SPIN1: variants seen among roughly 807,000 people sequenced by gnomAD.
SPIN1 encodes spindlin 1, also known as spindlin-1.
In SPIN1, 3 loss-of-function variants were observed where a neutral mutation model predicts 26.0. The ratio of observed to expected loss-of-function variants is 0.12; its 90% CI spans 0.05 to 0.30. SPIN1 has a LOEUF of 0.30. Ranked by LOEUF, SPIN1 falls within the 10% of genes least tolerant of loss-of-function variation. The pLI is 1.00. For synonymous variants in SPIN1, 101 were observed against 116.5 expected (o/e 0.87, Z 0.86); for missense variants, 126 against 333.4 (o/e 0.38, Z 4.84).
chr9:88,432,403 G>T (rs1176751754), intron 2 of SPIN1, among the ~76,000 whole-genome samples: 2 of 151,684 alleles, frequency 1.3e-5, no homozygotes, highest in South Asian at 2.1e-4. Context: ...GCCCAGGCTG[G>T]TCTCGAACTC....
At chr9:88,418,409 G>C (rs1827610160) in intron 1 of SPIN1, among the ~76,000 whole-genome samples, 1 of 152,120 alleles carries the variant, frequency 6.6e-6, no homozygotes, top group Non-Finnish European at 1.5e-5. Context: ...TTTAGGTCTT[G>C]TTGCATACCA....
rs1441794274 is a variant in SPIN1, at chr9:88,468,355, T to C, written c.356-17T>C. 1.3e-5 allele frequency: 19 copies of C among 1,519,528 alleles called. No individual in the cohort carries two copies. In the Admixed American group the frequency reaches 2.7e-4, roughly 22 times the overall value. 94.1% of individuals were successfully genotyped at this position (1,519,528 alleles called of 1,614,324 possible). A position where few individuals can be genotyped will look rare whatever the true frequency, so the allele number is the denominator to read the frequency against. On this transcript the variant is annotated splice_polypyrimidine_tract_variant and intron_variant, in intron 4 of 5. Transcript: ENST00000375859. Reference sequence around the variant, plus strand: ...GAAACACTTTGTCAACTTTTTTTTTTTTTTTTTAATCCCCAGCGACATCTC... The same window carrying C: ...GAAACACTTTGTCAACTTTTTTTTTCTTTTTTTAATCCCCAGCGACATCTC...
chr9:88,458,739 G>A (rs1172007412), intron 3 of SPIN1, among the ~76,000 whole-genome samples: 1 of 152,054 alleles, frequency 6.6e-6, no homozygotes, highest in African/African-American at 2.4e-5. Flanking sequence ...AATGCAGTTG[G>A]GACTGAACAA....
chr9:88,402,762 GT>G (rs796321662), intron 1 of SPIN1, among the ~76,000 whole-genome samples: 71 of 152,222 alleles, frequency 4.7e-4, no homozygotes, highest in African/African-American at 1.7e-3. Flanking sequence ...TAGTGCTGTG[GT>G]AAACAGGTGA....
At chr9:88,451,684 C>G (rs1163524027) in intron 3 of SPIN1, among the ~76,000 whole-genome samples, 2 of 152,156 alleles carry the variant, frequency 1.3e-5, no homozygotes, top group African/African-American at 4.8e-5. Context: ...CCTCAGCTTC[C>G]TAAGTAGCTG....
chr9:88,468,716 A>T, intron 5 of SPIN1, 111 bp downstream of exon 5: 1 of 574,926 alleles, frequency 1.7e-6, no homozygotes, highest in Non-Finnish European at 2.5e-6. Context: ...TGGATATATG[A>T]TTCTTTTAGT....
intron 5 of SPIN1, among the ~76,000 whole-genome samples, chr9:88,469,916 T>C (rs1828745032): frequency 6.6e-6 from 1 of 152,196 alleles, no homozygotes; most frequent in Non-Finnish European, 1.5e-5. Context: ...CTCACCACAG[T>C]CGATTTTAGA....
intron 3 of SPIN1, among the ~76,000 whole-genome samples, chr9:88,449,331 C>G (rs1450782581): frequency 6.6e-6 from 1 of 152,100 alleles, no homozygotes; most frequent in Non-Finnish European, 1.5e-5. Flanking sequence ...GGCTTCCTCT[C>G]CTGGTCTTGG....
chr9:88,435,910 C>A (rs1196138719), intron 2 of SPIN1, among the ~76,000 whole-genome samples: 1 of 152,072 alleles, frequency 6.6e-6, no homozygotes, highest in Non-Finnish European at 1.5e-5. Context: ...TGTTGCTTTT[C>A]TTATTTCCTG....
intron 3 of SPIN1, among the ~76,000 whole-genome samples, chr9:88,449,626 TAA>T (rs1232919208): frequency 6.6e-6 from 1 of 152,304 alleles, no homozygotes; most frequent in South Asian, 2.1e-4. Context: ...AAAAAGAAAT[TAA>T]GATTCTATTG....
intron 1 of SPIN1, among the ~76,000 whole-genome samples, chr9:88,417,680 C>G (rs903746890): frequency 3.3e-5 from 5 of 152,078 alleles, no homozygotes; most frequent in Non-Finnish European, 4.4e-5. Context: ...ACCATGTTGG[C>G]CAGGCTAGGC....
At position 88,462,681 on chromosome 9, in the gene SPIN1, G is replaced by A; in HGVS notation, c.287G>A (p.Cys96Tyr). The A allele has an allele frequency of 6.2e-7, 1 of 1,614,144 alleles. No homozygotes were observed. The change falls in exon 4 of 6, where the codon TGT becomes TAT. Residue 96 changes from cysteine (C) to tyrosine (Y), a missense_variant. By Grantham distance (194) the Cys-to-Tyr change is radical (BLOSUM62 -2). Transcript: ENST00000375859. ...LYLIKYDGFD[C>Y]VYGLELNKDE... ...CTTATAAAATACGATGGATTTGACT[G>A]TGTTTATGGACTAGAACTTAATAAA...
intron 5 of SPIN1, 31 bp from the exon 6 acceptor site, chr9:88,475,047 C>CTTTT (rs11320023): frequency 1.7e-4 from 142 of 841,662 alleles, no homozygotes; most frequent in South Asian, 6.6e-4. Context: ...CTCTCTCTCT[C>CTTTT]TTTTTTTTTT....
intron 1 of SPIN1, among the ~76,000 whole-genome samples, chr9:88,425,831 A>G (rs1341573650): frequency 2.6e-5 from 4 of 152,148 alleles, no homozygotes; most frequent in African/African-American, 9.7e-5. Flanking sequence ...GTGTTTGGCT[A>G]TAATTCTTTC....
chr9:88,425,851 A>G (rs1272399757), intron 1 of SPIN1, among the ~76,000 whole-genome samples: 4 of 152,140 alleles, frequency 2.6e-5, no homozygotes, highest in African/African-American at 9.7e-5. Context: ...CTCTTGCCCA[A>G]GACCCTGGCC....
At chr9:88,412,044 T>C (rs1370298754) in intron 1 of SPIN1, among the ~76,000 whole-genome samples, 2 of 148,460 alleles carry the variant, frequency 1.3e-5, no homozygotes, top group African/African-American at 4.9e-5. Flanking sequence ...CTGGGCCTTG[T>C]GGTGGGCGCC....
At chr9:88,411,816 A>G (rs193097812) in intron 1 of SPIN1, among the ~76,000 whole-genome samples, 311 of 152,082 alleles carry the variant, frequency 2.0e-3, no homozygotes, top group African/African-American at 5.7e-3. Flanking sequence ...TGCCTGGCCT[A>G]TTTTCAACTT....
At chr9:88,398,428 A>C (rs746670851) in intron 1 of SPIN1, among the ~76,000 whole-genome samples, 2 of 152,082 alleles carry the variant, frequency 1.3e-5, no homozygotes, top group Non-Finnish European at 2.9e-5. Flanking sequence ...TCTGGTATCT[A>C]GCTCAGTGTC....
chr9:88,399,955 A>G (rs976283470), intron 1 of SPIN1, among the ~76,000 whole-genome samples: 1 of 152,196 alleles, frequency 6.6e-6, no homozygotes, highest in Non-Finnish European at 1.5e-5. Flanking sequence ...GGAATCCTGA[A>G]AATTGGATTG....
Sources: allele counts gnomAD v4.1 joint callset (sites outside exome capture counted in the v4.1 genomes callset), GRCh38; gene constraint gnomAD v4.1.1; transcripts MANE v1.5; gene names NCBI Gene and HGNC (gene_info 2026-07-23, HGNC 2026-07-21).